The following DLC1 variants were observed in gnomAD, a reference collection of about 807,000 sequenced individuals.
DLC1 encodes rho GTPase-activating protein 7.
Under a neutral mutation model 140.3 loss-of-function variants are expected in DLC1, and 54 were observed. The observed-to-expected ratio is 0.38, with a 90% CI of 0.31 to 0.48. The LOEUF is 0.48. Ranked by LOEUF, DLC1 falls within the 20% of genes least tolerant of loss-of-function variation. The pLI is 0.96. For missense variants in DLC1, 2,536 were observed against 1,907.0 expected (o/e 1.33, Z -6.14); for synonymous variants, 986 against 728.1 (o/e 1.35, Z -5.70).
At chr8:13,598,095 A>T (rs1019518806) in intron 1 of DLC1, among the ~76,000 whole-genome samples, 1 of 132,198 alleles carries the variant, frequency 7.6e-6, no homozygotes, top group East Asian at 2.8e-4. Flanking sequence ...CCAGCAGAGA[A>T]GTTTATTTTC....
chr8:13,580,197 A>G (rs1405640092), intron 1 of DLC1, among the ~76,000 whole-genome samples: 2 of 151,512 alleles, frequency 1.3e-5, no homozygotes, highest in African/African-American at 4.9e-5. Context: ...ATCTCGGCTC[A>G]CTGCAGCCTC....
At chr8:13,505,573 G>A (rs1418518622) in intron 1 of DLC1, among the ~76,000 whole-genome samples, 1 of 152,146 alleles carries the variant, frequency 6.6e-6, no homozygotes, top group East Asian at 1.9e-4. Context: ...CAGTTCTTCT[G>A]CAATATGTCT....
At chr8:13,426,230 G>C (rs1838577814) in intron 2 of DLC1, among the ~76,000 whole-genome samples, 1 of 151,910 alleles carries the variant, frequency 6.6e-6, no homozygotes, top group African/African-American at 2.4e-5. Context: ...TTTTGATATA[G>C]GGAAATTATA....
At chr8:13,557,346 T>A (rs991268321) in intron 1 of DLC1, among the ~76,000 whole-genome samples, 20 of 152,072 alleles carry the variant, frequency 1.3e-4, no homozygotes, top group African/African-American at 4.8e-4. Flanking sequence ...TTCATTGGGG[T>A]TACAGTCTGG....
chr8:13,276,149 C>A, intron 5 of DLC1: 1 of 1,402,680 alleles, frequency 7.1e-7, no homozygotes, highest in Non-Finnish European at 9.4e-7. Context: ...AATGAAACTT[C>A]AACCAGCTGA....
chr8:13,468,561 G>T (rs1213249750), intron 2 of DLC1, among the ~76,000 whole-genome samples: 1 of 151,788 alleles, frequency 6.6e-6, no homozygotes, highest in Non-Finnish European at 1.5e-5. Flanking sequence ...TTTTTGCAGA[G>T]ATGGGGTATT....
chr8:13,280,707 T>G (rs1446576308), intron 5 of DLC1, among the ~76,000 whole-genome samples: 2 of 152,224 alleles, frequency 1.3e-5, no homozygotes, highest in Admixed American at 6.5e-5. Flanking sequence ...TTATGGCCAC[T>G]GTTGCTGATG....
intron 5 of DLC1, among the ~76,000 whole-genome samples, chr8:13,231,191 A>G (rs979741275): frequency 1.3e-5 from 2 of 152,058 alleles, no homozygotes; most frequent in Non-Finnish European, 2.9e-5. Flanking sequence ...TCTAGGCCTC[A>G]ATGCCTTTTA....
Position 13,393,564 on chromosome 8 carries a change from G to T in DLC1, c.1303C>A (p.Pro435Thr). 1 of 1,613,936 alleles carries T rather than the reference G, an allele frequency of 6.2e-7. No homozygotes were observed. The highest frequency in any genetic ancestry group is 8.5e-7 in the Non-Finnish European group (1 of 1,179,948). ...STPVANSGTK[P>T]KTTAIQGISE... The stretch of plus-strand genomic sequence containing the variant: ...TATTTAGAACTCACCGTAGTCTTGG[G>T]TTTGGTTCCAGAATTGGCTACTGGA... The change falls in exon 4 of 18, where the codon CCC becomes ACC. Residue 435 changes from proline to threonine, a missense_variant. Transcript: ENST00000276297.
chr8:13,431,676 G>GA (rs34087657), intron 2 of DLC1, among the ~76,000 whole-genome samples: 7,733 of 150,280 alleles, frequency 0.051, 658 homozygotes, highest in African/African-American at 0.18. Flanking sequence ...TGAGAAAAAA[G>GA]AAAAAAAAAT....
chr8:13,439,557 C>G (rs1012699444), intron 2 of DLC1, among the ~76,000 whole-genome samples: 8 of 151,726 alleles, frequency 5.3e-5, no homozygotes, highest in African/African-American at 1.9e-4. Flanking sequence ...GTATTTGGAC[C>G]AATCCTTGTA....
intron 5 of DLC1, among the ~76,000 whole-genome samples, chr8:13,118,189 T>C (rs1820741152): frequency 6.6e-6 from 1 of 152,030 alleles, no homozygotes; most frequent in African/African-American, 2.4e-5. Context: ...TCTTATTTTC[T>C]AATGGCCCTG....
intron 1 of DLC1, among the ~76,000 whole-genome samples, chr8:13,522,738 T>C (rs1802803092): frequency 6.6e-6 from 1 of 152,080 alleles, no homozygotes. Flanking sequence ...ATGCAGAGCA[T>C]GCTAAGGAGG....
At chr8:13,405,874 TTTTTC>T (rs1294331465) in intron 2 of DLC1, among the ~76,000 whole-genome samples, 3 of 150,732 alleles carry the variant, frequency 2.0e-5, no homozygotes, top group South Asian at 2.2e-4. Context: ...TTTCTTTTCT[TTTTTC>T]TTTTCTTTTC....
At chr8:13,592,759 G>T (rs1471946502) in intron 1 of DLC1, among the ~76,000 whole-genome samples, 1 of 152,050 alleles carries the variant, frequency 6.6e-6, no homozygotes, top group Non-Finnish European at 1.5e-5. Flanking sequence ...CAAGCCAACA[G>T]TTTCTTTCTG....
chr8:13,537,637 A>T (rs952335343), intron 1 of DLC1, among the ~76,000 whole-genome samples: 6 of 150,328 alleles, frequency 4.0e-5, no homozygotes, highest in Admixed American at 3.3e-4. Flanking sequence ...TAATAGTAAC[A>T]ACAGCTAACT....
chr8:13,482,294 C>T (rs1334634451), intron 2 of DLC1, among the ~76,000 whole-genome samples: 1 of 152,066 alleles, frequency 6.6e-6, no homozygotes, highest in African/African-American at 2.4e-5. Context: ...ATATCTAATG[C>T]ACAGATTGGA....
chr8:13,567,994 A>G, intron 1 of DLC1: 1 of 1,477,352 alleles, frequency 6.8e-7, no homozygotes. Context: ...AATTACCATA[A>G]TTTCTACAGG....
intron 5 of DLC1, among the ~76,000 whole-genome samples, chr8:13,216,938 C>T (rs766814279): frequency 6.6e-6 from 1 of 152,078 alleles, no homozygotes; most frequent in Non-Finnish European, 1.5e-5. Context: ...GGTGTGCCTC[C>T]CCTGAAACTT....
Sources: allele counts gnomAD v4.1 joint callset (sites outside exome capture counted in the v4.1 genomes callset), GRCh38; gene constraint gnomAD v4.1.1; transcripts MANE v1.5; gene names NCBI Gene and HGNC (gene_info 2026-07-23, HGNC 2026-07-21).